The following MAGED1 variants were observed in gnomAD, a reference collection of about 807,000 sequenced individuals.
The protein encoded by MAGED1 is MAGE family member D1.
A neutral mutation model predicts 54.1 loss-of-function variants in MAGED1; 3 were observed. The observed-to-expected ratio is 0.06, with a 90% CI of 0.03 to 0.14. The LOEUF is 0.14. MAGED1 is among the 10% of genes least tolerant of loss of function. The probability of loss-of-function intolerance (pLI) is 1.00; values close to 1 mark genes in which losing one functional copy is unlikely to be tolerated. For synonymous variants in MAGED1, 217 were observed against 227.3 expected, an observed-to-expected ratio of 0.95 and a Z score of 0.41; for missense variants, 485 against 623.4, an observed-to-expected ratio of 0.78 and a Z score of 2.36.
intron 1 of MAGED1, among the ~76,000 whole-genome samples, chrX:51,855,520 T>C (rs1410814996): frequency 4.5e-5 from 5 of 111,578 alleles, no homozygotes; most frequent in African/African-American, 1.6e-4. Context: ...TTCTCAGGCC[T>C]CTCTCCTTGG....
chrX:51,868,877 A>T (rs1475948516), intron 1 of MAGED1, among the ~76,000 whole-genome samples: 2 of 111,837 alleles, frequency 1.8e-5, no homozygotes, highest in African/African-American at 6.5e-5. Flanking sequence ...CTTTGTGAGG[A>T]CAGATGGATA....
intron 1 of MAGED1, among the ~76,000 whole-genome samples, chrX:51,848,893 CTTTTTTTTCTCT>C (rs1569555721): frequency 9.4e-6 from 1 of 106,563 alleles, no homozygotes; most frequent in Non-Finnish European, 1.9e-5. Flanking sequence ...TTTTTTATTT[CTTTTTTTTCTCT>C]TTTTTTTTCT....
intron 1 of MAGED1, among the ~76,000 whole-genome samples, chrX:51,821,391 A>G (rs782596442): frequency 9.1e-6 from 1 of 109,896 alleles, no homozygotes; most frequent in South Asian, 4.0e-4. Context: ...TTATTTATTG[A>G]TATTATTATT....
chrX:51,862,949 A>G (rs2146988174), intron 1 of MAGED1, among the ~76,000 whole-genome samples: 1 of 112,127 alleles, frequency 8.9e-6, no homozygotes, highest in East Asian at 2.8e-4. Flanking sequence ...TAACATATCC[A>G]TCAACTCACA....
chrX:51,831,770 A>G (rs1437024271), intron 1 of MAGED1, among the ~76,000 whole-genome samples: 1 of 111,440 alleles, frequency 9.0e-6, no homozygotes, highest in Non-Finnish European at 1.9e-5. Context: ...CAAAAGATAA[A>G]TGGACATCCT....
intron 1 of MAGED1, among the ~76,000 whole-genome samples, chrX:51,879,787 G>A (rs1927996055): frequency 1.8e-5 from 2 of 112,189 alleles, no homozygotes; most frequent in South Asian, 7.4e-4. Context: ...GTCCAAAAAA[G>A]TGATTGATTT....
intron 1 of MAGED1, among the ~76,000 whole-genome samples, chrX:51,872,763 G>A (rs782441248): frequency 4.5e-5 from 5 of 112,152 alleles, no homozygotes; most frequent in South Asian, 3.7e-4. Flanking sequence ...ATGCACTTGC[G>A]TAAGACACTT....
chrX:51,887,120 G>T (rs1305978762), intron 1 of MAGED1, among the ~76,000 whole-genome samples: 2 of 105,506 alleles, frequency 1.9e-5, no homozygotes, highest in African/African-American at 3.4e-5. Context: ...TGAAATACGT[G>T]TAAATTGACA....
chrX:51,845,272 CA>C (rs1926642602), intron 1 of MAGED1, among the ~76,000 whole-genome samples: 1 of 111,194 alleles, frequency 9.0e-6, no homozygotes, highest in Non-Finnish European at 1.9e-5. Context: ...CAAAACAAAA[CA>C]AACAAACAAA....
chrX:51,848,944 G>GTT (rs200050986), intron 1 of MAGED1, among the ~76,000 whole-genome samples: 25 of 85,003 alleles, frequency 2.9e-4, no homozygotes, highest in Admixed American at 1.3e-3. Context: ...GATCTTTTCT[G>GTT]TTTTTTTTTT....
At position 51,895,682 on chromosome X, in the gene MAGED1, T is replaced by G. The variant is rs1256842253; in HGVS notation, c.675T>G (p.Thr225=). The change falls in exon 3 of 13, where the codon ACT becomes ACG. Residue 225 remains threonine (T), a synonymous_variant. Transcript: ENST00000326587. ...DPGISEPDGA[T]AQTSADGSQA... is the part of the protein sequence containing the mutation. Reference sequence around the variant, plus strand: ...GTATCTCTGAACCTGACGGTGCAACTGCACAGACATCAGCAGATGGTTCCC... The same window carrying G: ...GTATCTCTGAACCTGACGGTGCAACGGCACAGACATCAGCAGATGGTTCCC... The G allele has an allele frequency of 5.8e-6, 7 of 1,203,622 alleles. No homozygotes were observed. The African/African-American group carries it at 8.7e-5, about 15-fold the overall frequency.
At chrX:51,805,801 G>A (rs782809083) in intron 1 of MAGED1, among the ~76,000 whole-genome samples, 4 of 107,859 alleles carry the variant, frequency 3.7e-5, no homozygotes, top group Non-Finnish European at 7.7e-5. Context: ...CCATCCATCC[G>A]TCCATCCGTC....
At chrX:51,849,644 G>A (rs1019227415) in intron 1 of MAGED1, among the ~76,000 whole-genome samples, 1 of 111,426 alleles carries the variant, frequency 9.0e-6, no homozygotes, top group Admixed American at 9.5e-5. Context: ...TATTGGTTGT[G>A]CCAGGTGTAT....
At chrX:51,867,760 C>G (rs920054880) in intron 1 of MAGED1, among the ~76,000 whole-genome samples, 7 of 112,214 alleles carry the variant, frequency 6.2e-5, no homozygotes, top group Non-Finnish European at 1.3e-4. Flanking sequence ...AGTCACATAA[C>G]TCATTCCTTC....
At chrX:51,845,457 T>C (rs1288245094) in intron 1 of MAGED1, among the ~76,000 whole-genome samples, 1 of 111,731 alleles carries the variant, frequency 9.0e-6, no homozygotes, top group Non-Finnish European at 1.9e-5. Flanking sequence ...AGCTCTTTTT[T>C]TCTCTTTCGT....
chrX:51,813,069 G>T (rs1925286695), intron 1 of MAGED1, among the ~76,000 whole-genome samples: 1 of 100,342 alleles, frequency 1.0e-5, no homozygotes, highest in African/African-American at 3.7e-5. Flanking sequence ...TGTTGCCCAG[G>T]CTGGAGTGCA....
intron 1 of MAGED1, among the ~76,000 whole-genome samples, chrX:51,815,647 G>A (rs1025303717): frequency 9.2e-6 from 1 of 108,735 alleles, no homozygotes; most frequent in African/African-American, 3.4e-5. Flanking sequence ...CTCAGCCTCC[G>A]GAGTTCTGGG....
At chrX:51,835,720 G>GTTT (rs1557357862) in intron 1 of MAGED1, among the ~76,000 whole-genome samples, 1 of 111,476 alleles carries the variant, frequency 9.0e-6, no homozygotes, top group East Asian at 2.8e-4. Context: ...ACAATTAATA[G>GTTT]TAACATTTGA....
intron 1 of MAGED1, among the ~76,000 whole-genome samples, chrX:51,867,517 CCTT>C (rs1218355431): frequency 1.8e-5 from 2 of 111,373 alleles, no homozygotes; most frequent in Non-Finnish European, 3.8e-5. Flanking sequence ...GTCAGTCTCT[CCTT>C]CTCACGTTTT....
Sources: gnomAD v4.1 joint callset for allele counts (sites outside exome capture counted in the v4.1 genomes callset) on GRCh38, gnomAD v4.1.1 for gene constraint, MANE v1.5 for transcripts, NCBI Gene and HGNC (gene_info 2026-07-23, HGNC 2026-07-21) for gene names.